The following BBOX1 variants were observed in gnomAD, a reference collection of about 807,000 sequenced individuals.
BBOX1 encodes the protein gamma-butyrobetaine dioxygenase.
BBOX1 carries 35 observed loss-of-function variants against 41.6 expected under a neutral mutation model. The ratio of observed to expected loss-of-function variants is 0.84; its 90% confidence interval spans 0.64 to 1.11. The LOEUF (loss-of-function observed/expected upper bound fraction) is 1.11, where lower values mean the gene tolerates loss of function less well. BBOX1 is among the 50% of genes most tolerant of loss of function. The pLI, the probability that BBOX1 is intolerant of heterozygous loss-of-function variation, is 0.00. For missense variants in BBOX1, 458 were observed against 460.6 expected (o/e 0.99, Z 0.05); for synonymous variants, 163 against 154.7 (o/e 1.05, Z -0.40).
At chr11:27,093,466 T>C in intron 5 of BBOX1, 100 bp downstream of exon 5, 1 of 1,229,832 alleles carries the variant, frequency 8.1e-7, no homozygotes, top group Non-Finnish European at 1.1e-6. Context: ...GAAATTCTCA[T>C]AATGTCTTGA....
At chr11:27,043,212 C>T (rs903934060) in intron 2 of BBOX1, among the ~76,000 whole-genome samples, 4 of 151,976 alleles carry the variant, frequency 2.6e-5, no homozygotes, top group Non-Finnish European at 4.4e-5. Flanking sequence ...TACAGGCGCC[C>T]GCCACCACGC....
chr11:27,109,565 A>G (rs1858983100), intron 5 of BBOX1, among the ~76,000 whole-genome samples: 1 of 152,022 alleles, frequency 6.6e-6, no homozygotes, highest in Non-Finnish European at 1.5e-5. Context: ...TGACAGAAAA[A>G]AGAAACCAGA....
chr11:27,094,657 C>G (rs1361383084), intron 5 of BBOX1, among the ~76,000 whole-genome samples: 1 of 151,980 alleles, frequency 6.6e-6, no homozygotes, highest in Non-Finnish European at 1.5e-5. Flanking sequence ...CCCTGCTACT[C>G]TTTACGTTTG....
intron 4 of BBOX1, chr11:27,066,486 C>G (rs936717798): frequency 6.6e-6 from 1 of 151,950 alleles, no homozygotes; most frequent in African/African-American, 2.4e-5. Flanking sequence ...ATTCAAAAAC[C>G]ATTACCTCTC....
In BBOX1 at chr11:27,127,365, C is replaced by T. The variant is rs746320596; in HGVS notation, c.1076C>T (p.Ser359Phe). Residue 359 changes from serine to phenylalanine, a missense_variant, in exon 9 of 9, where the codon TCC becomes TTC. Physicochemically the swap from Ser to Phe is radical, Grantham distance 155. Transcript: ENST00000263182. ...AGCTATGAAGCAGGAACTGAGATAT[C>T]CCGCCATCTAGAAGGAGCTTATGCT... ...RRSYEAGTEI[S>F]RHLEGAYADW... The T allele has an allele frequency of 5.0e-6, 8 of 1,614,118 alleles. No individual in the cohort carries two copies. The South Asian group carries it at 7.7e-5, about 16-fold the overall frequency.
intron 7 of BBOX1, among the ~76,000 whole-genome samples, chr11:27,122,125 C>T (rs117067429): frequency 0.033 from 5,068 of 152,172 alleles, 128 homozygotes; most frequent in South Asian, 0.11. Context: ...GTGGTTAAAT[C>T]CTTAAATTTT....
At chr11:27,076,400 A>G (rs143151886) in intron 4 of BBOX1, among the ~76,000 whole-genome samples, 171 of 152,326 alleles carry the variant, frequency 1.1e-3, no homozygotes, top group African/African-American at 3.9e-3. Context: ...CTGGTTAGCC[A>G]TGGTGCTGCA....
intron 4 of BBOX1, among the ~76,000 whole-genome samples, chr11:27,069,072 G>T (rs1204694759): frequency 6.6e-6 from 1 of 150,726 alleles, no homozygotes; most frequent in Non-Finnish European, 1.5e-5. Context: ...TTATTTTTTT[G>T]GTTCCATATG....
At chr11:27,063,738 T>C (rs2133977623) in intron 4 of BBOX1, among the ~76,000 whole-genome samples, 1 of 152,182 alleles carries the variant, frequency 6.6e-6, no homozygotes, top group South Asian at 2.1e-4. Flanking sequence ...AATCAGATTA[T>C]AGCCCTTCAG....
At chr11:27,117,478 G>A (rs868398230) in intron 6 of BBOX1, among the ~76,000 whole-genome samples, 1 of 151,934 alleles carries the variant, frequency 6.6e-6, no homozygotes, top group East Asian at 1.9e-4. Context: ...GACACCCAGT[G>A]TGATTTTATT....
chr11:27,076,614 G>A (rs1590190844), intron 4 of BBOX1, among the ~76,000 whole-genome samples: 1 of 152,270 alleles, frequency 6.6e-6, no homozygotes, highest in African/African-American at 2.4e-5. Flanking sequence ...CTCAGACAAT[G>A]AGTGGGGCCA....
In BBOX1 at chr11:27,125,731, A is replaced by G; in HGVS notation, c.914A>G (p.Glu305Gly). ...GACACAATATTTGATGTGCCTGTTG[A>G]AAGAGTTCAGCCTTTTTATGCTGCT... ...TRDTIFDVPVERVQPFYAALK... is the reference protein window; with the variant it reads ...TRDTIFDVPVGRVQPFYAALK... The change falls in exon 8 of 9, where the codon GAA becomes GGA. Residue 305 changes from glutamate to glycine, a missense_variant. By Grantham distance (98) the Glu-to-Gly change is moderately conservative. Transcript: ENST00000263182. The G allele has an allele frequency of 2.5e-6, 4 of 1,613,454 alleles. No individual in the cohort carries two copies. Among genetic ancestry groups the G allele is most frequent in the African/African-American group, 1.3e-5 (1 of 75,030 alleles).
In BBOX1 at chr11:27,125,741, G is replaced by A. The variant is rs1859628566; in HGVS notation, c.924G>A (p.Gln308=). ...TIFDVPVERV[Q]PFYAALKEFV... ...TTGATGTGCCTGTTGAAAGAGTTCAGCCTTTTTATGCTGCTCTGAAGGAGT... is the reference window on the plus strand; with the variant it reads ...TTGATGTGCCTGTTGAAAGAGTTCAACCTTTTTATGCTGCTCTGAAGGAGT... Residue 308 remains glutamine, a synonymous_variant, in exon 8 of 9, where the codon CAG becomes CAA. Coordinates refer to ENST00000263182, the MANE Select transcript of BBOX1 (RefSeq NM_003986.3). The A allele has an allele frequency of 6.2e-7, 1 of 1,613,668 alleles. No homozygotes were observed. Among genetic ancestry groups the A allele is most frequent in the African/African-American group, 1.3e-5 (1 of 75,016 alleles).
chr11:27,127,639 C>A lies in BBOX1; in HGVS notation c.*186C>A. 1.5e-6 allele frequency: 1 copy of A among 647,826 alleles called. No homozygotes were observed. The highest frequency in any genetic ancestry group is 2.4e-6 in the Non-Finnish European group (1 of 408,816). The allele number at this position is 647,826 out of a possible 1,614,324, so 40.1% of individuals were successfully genotyped here. ...AATGTCAACTTTTTAGATGTTTCAC[C>A]ACTCTTTTGCAAATAAAGCATCCTT... On this transcript the variant is annotated 3_prime_UTR_variant, in exon 9 of 9. Transcript: ENST00000263182.
At chr11:27,102,314 T>C (rs964695728) in intron 5 of BBOX1, among the ~76,000 whole-genome samples, 3 of 152,100 alleles carry the variant, frequency 2.0e-5, no homozygotes, top group Admixed American at 2.0e-4. Flanking sequence ...ATAGGTTTCC[T>C]GTGGTAAAAT....
chr11:27,113,099 T>C (rs1859134005), intron 5 of BBOX1, among the ~76,000 whole-genome samples: 1 of 151,848 alleles, frequency 6.6e-6, no homozygotes, highest in Non-Finnish European at 1.5e-5. Flanking sequence ...AAAACCACAA[T>C]GAAATACTAT....
intron 4 of BBOX1, among the ~76,000 whole-genome samples, chr11:27,088,530 A>G (rs1228003177): frequency 6.6e-6 from 1 of 152,028 alleles, no homozygotes; most frequent in Non-Finnish European, 1.5e-5. Context: ...GCCAAGGTTT[A>G]TCTTTAAACA....
chr11:27,061,290 CAATT>C (rs1206604292), intron 4 of BBOX1, among the ~76,000 whole-genome samples: 3 of 152,040 alleles, frequency 2.0e-5, no homozygotes, highest in East Asian at 1.9e-4. Context: ...ATACTACACT[CAATT>C]AAGTAGTGGA....
chr11:27,076,791 T>C (rs758026830), intron 4 of BBOX1, among the ~76,000 whole-genome samples: 1 of 152,134 alleles, frequency 6.6e-6, no homozygotes, highest in Non-Finnish European at 1.5e-5. Context: ...ACTAGGGTAA[T>C]GTTCCAGAGA....
Sources: allele counts gnomAD v4.1 joint callset (sites outside exome capture counted in the v4.1 genomes callset), GRCh38; gene constraint gnomAD v4.1.1; transcripts MANE v1.5; gene names NCBI Gene and HGNC (gene_info 2026-07-23, HGNC 2026-07-21).